Variants in FAM124A observed in about 807,000 individuals in gnomAD.
The protein encoded by FAM124A is family with sequence similarity 124 member A, also known as protein FAM124A.
Under a neutral mutation model 24.5 loss-of-function variants are expected in FAM124A, and 23 were observed. The observed-to-expected ratio is 0.94, with a 90% CI of 0.68 to 1.33. The LOEUF is 1.33. FAM124A is among the 40% of genes most tolerant of loss of function. The pLI is 0.00. For synonymous variants in FAM124A, 287 were observed against 314.7 expected (o/e 0.91, Z 0.93); for missense variants, 623 against 722.8 (o/e 0.86, Z 1.58).
chr13:51,271,516 G>C (rs910383328), intron 3 of FAM124A, among the ~76,000 whole-genome samples: 2 of 152,278 alleles, frequency 1.3e-5, no homozygotes, highest in Admixed American at 1.3e-4. Context: ...CCCTTGTCCG[G>C]CTGCACATTA....
Position 51,222,428 on chromosome 13 carries a change from A to T in FAM124A, c.-74A>T. The T allele has an allele frequency of 8.7e-7, 1 of 1,148,032 alleles. No individual in the cohort carries two copies. The highest frequency in any genetic ancestry group is 4.3e-5 in the South Asian group (1 of 23,428). 71.1% of individuals were successfully genotyped at this position (1,148,032 alleles called of 1,614,324 possible). A position where few individuals can be genotyped will look rare whatever the true frequency, so the allele number is the denominator to read the frequency against. ...CTCGGAGGGAGCCCGGCCGGCTCGGACTGGGCGGCCGGGAGGGAGGGCGCC... is the reference window on the plus strand; with the variant it reads ...CTCGGAGGGAGCCCGGCCGGCTCGGTCTGGGCGGCCGGGAGGGAGGGCGCC... On this transcript the variant is annotated 5_prime_UTR_variant, in exon 1 of 4. Transcript: ENST00000322475.
intron 2 of FAM124A, among the ~76,000 whole-genome samples, chr13:51,232,810 T>G (rs1440071504): frequency 6.6e-6 from 1 of 152,236 alleles, no homozygotes; most frequent in Non-Finnish European, 1.5e-5. Context: ...TCTAAAATAC[T>G]TGTGTGAAGC....
Position 51,249,979 on chromosome 13 carries a change from C to T in FAM124A, c.101-1489C>T, listed in dbSNP as rs190268465. On this transcript the variant is annotated intron_variant, in intron 2 of 3. Transcript: ENST00000322475. ...TGCCAGCTTCTTTGTGTCCCCAGTG[C>T]CTGGTACAAACTGATTGCTTAACAG... 3.3e-5 allele frequency among the ~76,000 whole-genome samples: 5 copies of T among 152,260 alleles called. No homozygotes were observed. In the East Asian group the frequency reaches 9.6e-4, roughly 29 times the overall value.
chr13:51,275,644 C>T (rs1026682130), intron 3 of FAM124A, among the ~76,000 whole-genome samples: 1 of 152,208 alleles, frequency 6.6e-6, no homozygotes, highest in Non-Finnish European at 1.5e-5. Flanking sequence ...TATCATCACT[C>T]ATCAGGGAAA....
At chr13:51,231,530 G>A in intron 2 of FAM124A, 151 bp downstream of exon 2, 1 of 785,822 alleles carries the variant, frequency 1.3e-6, no homozygotes, top group Non-Finnish European at 1.9e-6. Context: ...TGTAACTCTG[G>A]AAGTGGAGGC....
rs1954927072 is a variant in FAM124A at position 51,280,661 on chromosome 13, G to A, written c.1046G>A (p.Ser349Asn). 3 of 1,614,132 alleles carry A rather than the reference G, an allele frequency of 1.9e-6. No homozygotes were observed. Among genetic ancestry groups the A allele is most frequent in the African/African-American group, 1.3e-5 (1 of 75,034 alleles). Residue 349 changes from serine to asparagine, a missense_variant, in exon 4 of 4, where the codon AGC (serine) becomes AAC (asparagine). Coordinates refer to ENST00000322475, the MANE Select transcript of FAM124A (RefSeq NM_001242312.2). ...HQQEFAGRAN[S>N]TPNPPWSFQR... Reference sequence around the variant, plus strand: ...CAGGAATTTGCCGGACGAGCCAACAGCACCCCCAACCCTCCCTGGTCTTTC... The same window carrying A: ...CAGGAATTTGCCGGACGAGCCAACAACACCCCCAACCCTCCCTGGTCTTTC...
At chr13:51,239,210 A>AT (rs1566163104) in intron 2 of FAM124A, among the ~76,000 whole-genome samples, 1 of 152,166 alleles carries the variant, frequency 6.6e-6, no homozygotes, top group African/African-American at 2.4e-5. Flanking sequence ...TTTCAAAATA[A>AT]TTTTTTGCTA....
chr13:51,271,800 G>T (rs557748630), intron 3 of FAM124A, among the ~76,000 whole-genome samples: 1 of 152,244 alleles, frequency 6.6e-6, no homozygotes, highest in African/African-American at 2.4e-5. Context: ...GGTGTGGGTG[G>T]CCAGAGTGGA....
chr13:51,235,314 C>T (rs1954424375), intron 2 of FAM124A, among the ~76,000 whole-genome samples: 2 of 151,626 alleles, frequency 1.3e-5, no homozygotes, highest in Admixed American at 1.3e-4. Flanking sequence ...GTACAATTTA[C>T]ATTCTTATGC....
chr13:51,239,354 A>G (rs1954468190), intron 2 of FAM124A, among the ~76,000 whole-genome samples: 1 of 152,180 alleles, frequency 6.6e-6, no homozygotes, highest in African/African-American at 2.4e-5. Flanking sequence ...TTTTTTTCTG[A>G]GCATCTATAT....
At chr13:51,242,282 C>T (rs937574076) in intron 2 of FAM124A, among the ~76,000 whole-genome samples, 4 of 152,198 alleles carry the variant, frequency 2.6e-5, no homozygotes, top group Admixed American at 1.3e-4. Context: ...ATTAAAATTA[C>T]TGAGTAGAAG....
At chr13:51,253,306 C>T (rs1954644390) in intron 3 of FAM124A, 1 of 152,196 alleles carries the variant, frequency 6.6e-6, no homozygotes, top group Non-Finnish European at 1.5e-5. Context: ...GAATTTGGCA[C>T]ATGTCAGATA....
At position 51,258,600 on chromosome 13, in the gene FAM124A, G is replaced by A. The variant is rs78143659; in HGVS notation, c.834+6399G>A. Among the ~76,000 whole-genome samples, 5 of 152,310 alleles carry A rather than the reference G, an allele frequency of 3.3e-5. No individual in the cohort carries two copies. The East Asian group carries it at 7.7e-4, about 24-fold the overall frequency. ...AGCTAGCAAAGCATTGCAGTGCTGTGGCTTCAAAACTCATCCAGGGCAGCA... is the reference window on the plus strand; with the variant it reads ...AGCTAGCAAAGCATTGCAGTGCTGTAGCTTCAAAACTCATCCAGGGCAGCA... On this transcript the variant is annotated intron_variant, in intron 3 of 3. Transcript: ENST00000322475. The surrounding 1 kb of genome is among the most constrained non-coding windows in gnomAD (Gnocchi z 4.2).
chr13:51,273,234 T>C (rs757567782), intron 3 of FAM124A, among the ~76,000 whole-genome samples: 22 of 152,132 alleles, frequency 1.4e-4, no homozygotes, highest in Non-Finnish European at 2.9e-4. Flanking sequence ...CTGAGGCATT[T>C]TTGGTTGTCA....
At position 51,282,568 on chromosome 13, in the gene FAM124A, C is replaced by T. The variant is rs539560864; in HGVS notation, c.*1312C>T. The T allele has an allele frequency of 2.6e-5, 4 of 152,330 alleles. No homozygotes were observed. The South Asian group carries it at 8.3e-4, about 32-fold the overall frequency. The allele number at this position is 152,330 out of a possible 1,614,324, so 9.4% of individuals were successfully genotyped here. On this transcript the variant is annotated 3_prime_UTR_variant, in exon 4 of 4. Coordinates refer to ENST00000322475, the MANE Select transcript of FAM124A (RefSeq NM_001242312.2). ...CAAGCTGTCCCTGGATACTATTTAC[C>T]TTTGAGGAAGAACAGCATGGGTTTG...
At chr13:51,274,577 T>C (rs996712518) in intron 3 of FAM124A, among the ~76,000 whole-genome samples, 2 of 152,210 alleles carry the variant, frequency 1.3e-5, no homozygotes, top group East Asian at 3.8e-4. Flanking sequence ...CCCAAAAATA[T>C]CAGAGTCCTC....
chr13:51,253,183 G>A (rs1954642482), intron 3 of FAM124A: 1 of 152,234 alleles, frequency 6.6e-6, no homozygotes, highest in African/African-American at 2.4e-5. Context: ...GGGGGACATT[G>A]CCTTAAGAGG....
chr13:51,256,635 G>A (rs7982245), intron 3 of FAM124A, among the ~76,000 whole-genome samples: 1 of 152,208 alleles, frequency 6.6e-6, no homozygotes, highest in Non-Finnish European at 1.5e-5. Flanking sequence ...CACTGGGGAT[G>A]TGATGAGGGA....
chr13:51,253,908 G>A (rs1358864668), intron 3 of FAM124A, among the ~76,000 whole-genome samples: 3 of 152,102 alleles, frequency 2.0e-5, no homozygotes, highest in African/African-American at 4.8e-5. Context: ...ATATGTTGAG[G>A]AATTAAATTA....
Sources: allele counts gnomAD v4.1 joint callset (sites outside exome capture counted in the v4.1 genomes callset), GRCh38; gene constraint gnomAD v4.1.1; non-coding constraint Gnocchi (gnomAD v3.1); transcripts MANE v1.5; gene names NCBI Gene and HGNC (gene_info 2026-07-23, HGNC 2026-07-21).